The following SLC35D1 variants were observed in gnomAD, a reference collection of about 807,000 sequenced individuals.
SLC35D1 encodes the protein nucleotide sugar transporter SLC35D1.
In SLC35D1, 31 loss-of-function variants were observed where a neutral mutation model predicts 46.7. The observed-to-expected ratio is 0.66, with a 90% CI of 0.50 to 0.90. The LOEUF (loss-of-function observed/expected upper bound fraction) is 0.90, where lower values mean the gene tolerates loss of function less well. SLC35D1 is among the 40% of genes least tolerant of loss of function. The pLI is 0.00. For synonymous variants in SLC35D1, 195 were observed against 164.6 expected (o/e 1.18, Z -1.41); for missense variants, 397 against 426.2 (o/e 0.93, Z 0.60).
chr1:67,019,681 G>A (rs1667758099), intron 10 of SLC35D1, among the ~76,000 whole-genome samples: 1 of 152,134 alleles, frequency 6.6e-6, no homozygotes, highest in East Asian at 1.9e-4. Context: ...TCTGGGTTTT[G>A]CCTTTTTAAG....
the SLC35D1 span, among the ~76,000 whole-genome samples, chr1:66,975,532 AAAAG>A: frequency 7.0e-6 from 1 of 142,228 alleles, no homozygotes; most frequent in South Asian, 2.2e-4. Context: ...TCTCAAAAAA[AAAAG>A]AAAAAGAAAG....
At chr1:67,023,627 A>C (rs1667857498) in intron 8 of SLC35D1, among the ~76,000 whole-genome samples, 1 of 151,846 alleles carries the variant, frequency 6.6e-6, no homozygotes, top group Admixed American at 6.6e-5. Context: ...CTGGGATTAC[A>C]GGCACATGCC....
intron 10 of SLC35D1, 49 bp from the exon 11 acceptor site, chr1:67,009,216 C>T (rs1667515020): frequency 1.5e-6 from 1 of 663,144 alleles, no homozygotes; most frequent in East Asian, 3.0e-5. Context: ...AACTGAGCTT[C>T]TTAAATATAT....
chr1:67,026,794 C>G (rs112804680), intron 8 of SLC35D1, among the ~76,000 whole-genome samples: 1 of 152,130 alleles, frequency 6.6e-6, no homozygotes, highest in Non-Finnish European at 1.5e-5. Context: ...CTCACAGCTC[C>G]GCATGGCTGG....
chr1:67,028,672 G>T (rs1004679476), intron 8 of SLC35D1, among the ~76,000 whole-genome samples: 4 of 151,950 alleles, frequency 2.6e-5, no homozygotes, highest in Non-Finnish European at 4.4e-5. Context: ...CATCAAATTT[G>T]CAGAAAAAAA....
the SLC35D1 span, among the ~76,000 whole-genome samples, chr1:66,992,820 A>T: frequency 6.6e-6 from 1 of 152,264 alleles, no homozygotes; most frequent in Non-Finnish European, 1.5e-5. Flanking sequence ...CAAAAGGAAA[A>T]TAGGCTGGTC....
intron 8 of SLC35D1, among the ~76,000 whole-genome samples, chr1:67,032,280 G>C (rs1011892966): frequency 6.6e-6 from 1 of 152,008 alleles, no homozygotes; most frequent in Admixed American, 6.6e-5. Context: ...CTATAACTAC[G>C]CTTTTATTTT....
At chr1:67,014,745 G>A (rs1239872253) in intron 10 of SLC35D1, among the ~76,000 whole-genome samples, 5 of 122,148 alleles carry the variant, frequency 4.1e-5, no homozygotes, top group Non-Finnish European at 7.9e-5. Context: ...AATGTTGTAA[G>A]GTCACAGAAC....
the SLC35D1 span, among the ~76,000 whole-genome samples, chr1:66,980,171 C>T: frequency 6.6e-6 from 1 of 152,208 alleles, no homozygotes; most frequent in East Asian, 1.9e-4. Flanking sequence ...CCTGAAGTCC[C>T]TTTGGGACTC....
the SLC35D1 span, among the ~76,000 whole-genome samples, chr1:66,988,942 G>A: frequency 1.3e-5 from 2 of 152,292 alleles, no homozygotes; most frequent in South Asian, 4.1e-4. Context: ...TACAGAGACA[G>A]CAAAAAGAGG....
At chr1:66,973,022 A>C in the SLC35D1 span, 1 of 1,258,154 alleles carries the variant, frequency 7.9e-7, no homozygotes. Flanking sequence ...TTTTGCAAAA[A>C]GAAATTTAGT....
intron 7 of SLC35D1, among the ~76,000 whole-genome samples, chr1:67,046,527 A>G (rs1188273809): frequency 1.3e-5 from 2 of 152,232 alleles, no homozygotes; most frequent in African/African-American, 2.4e-5. Flanking sequence ...GACATCTAAG[A>G]TAAGTATCTC....
At position 67,052,499 on chromosome 1, in the gene SLC35D1, G is replaced by A. The variant is rs150038528; in HGVS notation, c.324+272C>T. Among the ~76,000 whole-genome samples, 1,075 of 152,198 alleles carry A rather than the reference G, an allele frequency of 7.1e-3. 11 individuals are homozygous for A. The highest frequency in any genetic ancestry group is 0.025 in the African/African-American group (1,024 of 41,526). On this transcript the variant is annotated intron_variant, in intron 3 of 11. Transcript: ENST00000235345. ...GCAGGATACACTGGCTAGATTAGAT[G>A]GATAGAGAAACTGCAAAACTATTGT...
intron 11 of SLC35D1, chr1:67,008,450 G>T: frequency 7.8e-7 from 1 of 1,288,310 alleles, no homozygotes; most frequent in Non-Finnish European, 1.0e-6. Flanking sequence ...AGATACAGCT[G>T]GGAGACACCA....
intron 10 of SLC35D1, among the ~76,000 whole-genome samples, chr1:67,019,116 T>A (rs1224486191): frequency 6.6e-6 from 1 of 152,210 alleles, no homozygotes; most frequent in Admixed American, 6.5e-5. Flanking sequence ...ATGTTGATAA[T>A]GATAAAGTAC....
At position 67,026,961 on chromosome 1, in the gene SLC35D1, T is replaced by C. The variant is rs1330643647; in HGVS notation, c.730-5359A>G. Among the ~76,000 whole-genome samples the C allele has an allele frequency of 2.0e-5, 3 of 152,272 alleles. No individual in the cohort carries two copies. The East Asian group carries it at 5.8e-4, about 29-fold the overall frequency. ...AGATGAGGAAACTGCCCCCCATGAT[T>C]CAATTATCTCCACCTGGTCCCTCCC... On this transcript the variant is annotated intron_variant, in intron 8 of 11. Coordinates refer to ENST00000235345, the MANE Select transcript of SLC35D1 (RefSeq NM_015139.3).
At chr1:67,020,125 T>C (rs1667767528) in intron 10 of SLC35D1, among the ~76,000 whole-genome samples, 1 of 152,190 alleles carries the variant, frequency 6.6e-6, no homozygotes, top group Non-Finnish European at 1.5e-5. Context: ...TATTCCTTCC[T>C]CTATTCAGAT....
At chr1:66,994,329 G>A in the SLC35D1 span, among the ~76,000 whole-genome samples, 1 of 152,120 alleles carries the variant, frequency 6.6e-6, no homozygotes, top group Non-Finnish European at 1.5e-5. Flanking sequence ...TAATTCTGAT[G>A]GCTGATGAAA....
intron 6 of SLC35D1, 128 bp from the exon 7 acceptor site, chr1:67,047,495 G>A (rs1005286012): frequency 6.1e-5 from 49 of 807,584 alleles, no homozygotes; most frequent in Non-Finnish European, 9.9e-5. Context: ...CATTTTATCA[G>A]CTACTAGTAT....
Sources: gnomAD v4.1 joint callset for allele counts (sites outside exome capture counted in the v4.1 genomes callset) on GRCh38, gnomAD v4.1.1 for gene constraint, MANE v1.5 for transcripts, NCBI Gene and HGNC (gene_info 2026-07-23, HGNC 2026-07-21) for gene names.